CLDN14: variants seen among roughly 807,000 people sequenced by gnomAD.
CLDN14 encodes claudin 14.
In CLDN14, 2 loss-of-function variants were observed where a neutral mutation model predicts 2.1. The ratio of observed to expected loss-of-function variants is 0.96; its 90% CI spans 0.39 to 3.01. The LOEUF (loss-of-function observed/expected upper bound fraction) is 3.01. CLDN14 is among the 30% of genes most tolerant of loss of function. The probability of loss-of-function intolerance (pLI) is 0.09; values close to 1 mark genes in which losing one functional copy is unlikely to be tolerated. For synonymous variants in CLDN14, 136 were observed against 154.4 expected, an observed-to-expected ratio of 0.88 and a Z score of 0.88; for missense variants, 298 against 328.0, an observed-to-expected ratio of 0.91 and a Z score of 0.71.
At chr21:36,573,056 C>G (rs1345749072) in intron 1 of CLDN14, among the ~76,000 whole-genome samples, 1 of 152,088 alleles carries the variant, frequency 6.6e-6, no homozygotes, top group Non-Finnish European at 1.5e-5. Flanking sequence ...AATCCCAGCA[C>G]TTTGGAAGGC....
At chr21:36,493,130 C>T (rs1050011106) in intron 2 of CLDN14, among the ~76,000 whole-genome samples, 12 of 152,208 alleles carry the variant, frequency 7.9e-5, no homozygotes, top group African/African-American at 2.2e-4. Context: ...TTTTTCTGCC[C>T]GCCCCCGGGG....
chr21:36,558,017 C>A lies in CLDN14; in HGVS notation c.-220+18394G>T, dbSNP rs116484846. Among the ~76,000 whole-genome samples, 851 of 152,254 alleles carry A rather than the reference C, an allele frequency of 5.6e-3. 13 individuals carry two copies. The highest frequency in any genetic ancestry group is 0.019 in the African/African-American group (798 of 41,546). ...TTGTGGATATGTAGTTTTCCCAGCA[C>A]CATTTGTTGAAGAGACTGTCCTTTC... On this transcript the variant is annotated intron_variant, in intron 1 of 2. Coordinates refer to the CLDN14 transcript ENST00000342108.
intron 1 of CLDN14, among the ~76,000 whole-genome samples, chr21:36,552,928 C>A (rs568473808): frequency 2.0e-5 from 3 of 152,282 alleles, no homozygotes. Context: ...CTCCCTTGGA[C>A]ATGTGTTTTA....
chr21:36,542,340 C>A (rs987374409), intron 1 of CLDN14, among the ~76,000 whole-genome samples: 3 of 152,206 alleles, frequency 2.0e-5, no homozygotes, highest in Admixed American at 6.5e-5. Flanking sequence ...ACTTCCCTCA[C>A]CTTGGGAGAG....
intron 2 of CLDN14, among the ~76,000 whole-genome samples, chr21:36,504,166 C>T (rs1462735879): frequency 6.6e-6 from 1 of 150,518 alleles, no homozygotes; most frequent in Non-Finnish European, 1.5e-5. Context: ...TAGCAAAATC[C>T]CATCTATATG....
chr21:36,534,416 G>T (rs1207554972), intron 1 of CLDN14, among the ~76,000 whole-genome samples: 1 of 152,170 alleles, frequency 6.6e-6, no homozygotes, highest in African/African-American at 2.4e-5. Flanking sequence ...CCAGAGCAAG[G>T]TCGTGAACTT....
At chr21:36,470,155 TTATC>T (rs1381953255) in intron 1 of CLDN14, among the ~76,000 whole-genome samples, 1 of 152,192 alleles carries the variant, frequency 6.6e-6, no homozygotes, top group Admixed American at 6.5e-5. Flanking sequence ...TGGGAACACT[TTATC>T]TAGGGGATGC....
chr21:36,570,540 G>A (rs996820300), intron 1 of CLDN14, among the ~76,000 whole-genome samples: 2 of 152,180 alleles, frequency 1.3e-5, no homozygotes, highest in African/African-American at 4.8e-5. Flanking sequence ...AACTTCCAAT[G>A]TACAGGGAGG....
At chr21:36,475,805 A>G (rs1265038145) in intron 1 of CLDN14, among the ~76,000 whole-genome samples, 1 of 151,828 alleles carries the variant, frequency 6.6e-6, no homozygotes, top group Admixed American at 6.6e-5. Context: ...GCTGGAGCAC[A>G]GTAGGATTAC....
intron 2 of CLDN14, among the ~76,000 whole-genome samples, chr21:36,507,635 G>A (rs986794919): frequency 4.6e-5 from 7 of 152,106 alleles, no homozygotes; most frequent in East Asian, 1.9e-4. Context: ...GTGGTGGCAC[G>A]CACGTGTAAT....
chr21:36,472,360 A>G (rs1285703914), intron 1 of CLDN14, among the ~76,000 whole-genome samples: 2 of 152,194 alleles, frequency 1.3e-5, no homozygotes, highest in Non-Finnish European at 2.9e-5. Context: ...TGTCTTGGGC[A>G]ACTGGAGGAA....
At chr21:36,509,869 C>T (rs894270669) in intron 2 of CLDN14, among the ~76,000 whole-genome samples, 2 of 152,196 alleles carry the variant, frequency 1.3e-5, no homozygotes, top group African/African-American at 4.8e-5. Context: ...ACTGGGATTA[C>T]AGACGTGAGC....
At chr21:36,509,833 A>G (rs1279993291) in intron 2 of CLDN14, among the ~76,000 whole-genome samples, 1 of 152,038 alleles carries the variant, frequency 6.6e-6, no homozygotes, top group Non-Finnish European at 1.5e-5. Context: ...TGACCTCGTA[A>G]TCCGCCCACC....
intron 1 of CLDN14, among the ~76,000 whole-genome samples, chr21:36,479,121 G>C (rs904636817): frequency 5.3e-5 from 8 of 152,130 alleles, no homozygotes; most frequent in Admixed American, 3.3e-4. Context: ...CAGACAGAAG[G>C]GGGCAGTGGC....
chr21:36,493,651 C>T (rs1394770563), intron 2 of CLDN14, among the ~76,000 whole-genome samples: 1 of 152,074 alleles, frequency 6.6e-6, no homozygotes, highest in African/African-American at 2.4e-5. Flanking sequence ...AGCGGCCGCA[C>T]ACTTGTCATA....
intron 1 of CLDN14, among the ~76,000 whole-genome samples, chr21:36,529,828 A>T (rs933666519): frequency 3.9e-5 from 6 of 152,204 alleles, no homozygotes; most frequent in African/African-American, 1.4e-4. Flanking sequence ...GTTACCTGAC[A>T]TATAAAATAA....
chr21:36,468,550 G>A (rs1312251940), intron 1 of CLDN14, among the ~76,000 whole-genome samples: 1 of 152,082 alleles, frequency 6.6e-6, no homozygotes, highest in African/African-American at 2.4e-5. Flanking sequence ...GTGACAGAGT[G>A]AGACTCTGTC....
intron 1 of CLDN14, among the ~76,000 whole-genome samples, chr21:36,528,447 G>A (rs2087352504): frequency 6.6e-6 from 1 of 152,180 alleles, no homozygotes; most frequent in African/African-American, 2.4e-5. Flanking sequence ...GAAGCCAAGT[G>A]TTAGGAAACT....
intron 2 of CLDN14, chr21:36,486,871 T>G: frequency 1.4e-6 from 1 of 705,738 alleles, no homozygotes; most frequent in Non-Finnish European, 2.6e-6. Flanking sequence ...TTGGACGGTG[T>G]GTAGCTTGGA....
Sources: gnomAD v4.1 joint callset for allele counts (sites outside exome capture counted in the v4.1 genomes callset) on GRCh38, gnomAD v4.1.1 for gene constraint, MANE v1.5 for transcripts, NCBI Gene and HGNC (gene_info 2026-07-23, HGNC 2026-07-21) for gene names.